The following SCLT1 variants were observed in gnomAD, a reference collection of about 807,000 sequenced individuals.
SCLT1 encodes sodium channel and clathrin linker 1, also known as sodium channel-associated protein 1.
A neutral mutation model predicts 112.8 loss-of-function variants in SCLT1; 78 were observed. The ratio of observed to expected loss-of-function variants is 0.69; its 90% CI spans 0.58 to 0.83. The LOEUF (loss-of-function observed/expected upper bound fraction) is 0.83. Ranked by LOEUF, SCLT1 falls within the 40% of genes least tolerant of loss-of-function variation. The pLI, the probability that SCLT1 is intolerant of heterozygous loss-of-function variation, is 0.00. For missense variants in SCLT1, 747 were observed against 770.4 expected, an observed-to-expected ratio of 0.97 and a Z score of 0.36; for synonymous variants, 257 against 254.7, an observed-to-expected ratio of 1.01 and a Z score of -0.09.
rs897044546 is a variant in SCLT1, at chr4:129,046,297, T to C, written c.103-2246A>G. On this transcript the variant is annotated intron_variant, in intron 2 of 20. Transcript: ENST00000281142. ...ACATGGTACTGCAAAAAGTGAGAAC[T>C]ATGTATATGACCAACAACCCCCAAA... Among the ~76,000 whole-genome samples the C allele has an allele frequency of 6.6e-5, 10 of 152,202 alleles. No individual in the cohort carries two copies. In the East Asian group the frequency reaches 1.5e-3, roughly 23 times the overall value.
intron 1 of SCLT1, among the ~76,000 whole-genome samples, chr4:129,084,858 T>C (rs1752258270): frequency 1.3e-5 from 2 of 152,088 alleles, no homozygotes; most frequent in Non-Finnish European, 2.9e-5. Flanking sequence ...TTACACAATA[T>C]ATAAATAATA....
At chr4:129,043,687 G>C (rs113412671) in intron 3 of SCLT1, among the ~76,000 whole-genome samples, 24 of 152,268 alleles carry the variant, frequency 1.6e-4, no homozygotes, top group African/African-American at 4.3e-4. Flanking sequence ...TGCAATGAAG[G>C]ATGTTTAACA....
At chr4:129,024,597 G>A (rs1745838311) in intron 5 of SCLT1, among the ~76,000 whole-genome samples, 1 of 151,814 alleles carries the variant, frequency 6.6e-6, no homozygotes, top group African/African-American at 2.4e-5. Context: ...CAAAGATGGG[G>A]AAAAAACAGA....
At chr4:128,898,197 C>T (rs1341808314) in intron 18 of SCLT1, among the ~76,000 whole-genome samples, 1 of 152,164 alleles carries the variant, frequency 6.6e-6, no homozygotes, top group African/African-American at 2.4e-5. Context: ...CACAACTCTC[C>T]ACCCCAAATC....
intron 13 of SCLT1, among the ~76,000 whole-genome samples, chr4:128,954,641 A>G (rs1469206645): frequency 2.0e-5 from 3 of 152,176 alleles, no homozygotes; most frequent in Admixed American, 1.3e-4. Context: ...AATTTGATGT[A>G]GACTTTTCCT....
At position 129,068,439 on chromosome 4, in the gene SCLT1, T is replaced by C. The variant is rs192096962; in HGVS notation, c.102+13867A>G. Among the ~76,000 whole-genome samples, 820 of 152,300 alleles carry C rather than the reference T, an allele frequency of 5.4e-3. 8 individuals are homozygous for C. Among genetic ancestry groups the C allele is most frequent in the African/African-American group, 0.019 (771 of 41,572 alleles). On this transcript the variant is annotated intron_variant, in intron 2 of 20. Coordinates refer to ENST00000281142, the MANE Select transcript of SCLT1 (RefSeq NM_144643.4). ...CTTGCAGGAGTAAGGTGGTATCACG[T>C]TGTGGTTTTGTTTTGCATTTCCATG... is the stretch of plus-strand genomic sequence containing the variant.
intron 2 of SCLT1, among the ~76,000 whole-genome samples, chr4:129,065,908 T>G (rs1407818399): frequency 6.6e-6 from 1 of 151,994 alleles, no homozygotes; most frequent in Non-Finnish European, 1.5e-5. Context: ...ACAGACAAAA[T>G]TAGAGTAACC....
intron 9 of SCLT1, 114 bp downstream of exon 9, chr4:128,992,053 G>A (rs763594263): frequency 1.6e-5 from 10 of 633,678 alleles, no homozygotes; most frequent in Middle Eastern, 2.9e-4. Context: ...GATATTGGCA[G>A]AAGCTTAACA....
intron 2 of SCLT1, among the ~76,000 whole-genome samples, chr4:129,054,308 TGGA>T (rs1749140944): frequency 6.6e-6 from 1 of 152,202 alleles, no homozygotes; most frequent in South Asian, 2.1e-4. Flanking sequence ...CTTGCTAGGT[TGGA>T]GAAGTTCTCC....
At chr4:128,942,163 C>T (rs148319699) in intron 17 of SCLT1, among the ~76,000 whole-genome samples, 24 of 152,032 alleles carry the variant, frequency 1.6e-4, no homozygotes, top group South Asian at 1.2e-3. Context: ...TTTTTCATTT[C>T]GGAGTTCAAG....
rs1329173593 is a variant in SCLT1 at position 129,003,871 on chromosome 4, T to C, written c.296A>G (p.His99Arg). The change falls in exon 6 of 21, where the codon CAC (histidine) becomes CGC (arginine). Residue 99 changes from histidine to arginine, a missense_variant. Transcript: ENST00000281142. ...TTCAACAGCATCTTTTAATTCACTG[T>C]GCAACCTTTGAAACAAATAGTTAAC... ...ENVIKENERL[H>R]SELKDAVEKK... 1 of 1,610,678 alleles carries C rather than the reference T, an allele frequency of 6.2e-7. No individual in the cohort carries two copies. The highest frequency in any genetic ancestry group is 2.2e-5 in the East Asian group (1 of 44,660).
chr4:128,969,778 AT>A (rs1240526851), intron 10 of SCLT1, among the ~76,000 whole-genome samples: 1 of 152,138 alleles, frequency 6.6e-6, no homozygotes, highest in Non-Finnish European at 1.5e-5. Flanking sequence ...TGTTTTAAAA[AT>A]TTATCCAAGT....
intron 18 of SCLT1, among the ~76,000 whole-genome samples, chr4:128,898,994 T>G (rs1275049070): frequency 6.6e-6 from 1 of 152,194 alleles, no homozygotes; most frequent in Non-Finnish European, 1.5e-5. Flanking sequence ...ATTCTCTGAA[T>G]AGACCAATAA....
At chr4:129,028,567 A>T (rs1746358338) in intron 5 of SCLT1, among the ~76,000 whole-genome samples, 1 of 152,250 alleles carries the variant, frequency 6.6e-6, no homozygotes, top group Admixed American at 6.5e-5. Context: ...CTAAAACCAT[A>T]AAAACCCTAG....
At chr4:128,980,636 G>C (rs1003731880) in intron 9 of SCLT1, among the ~76,000 whole-genome samples, 23 of 151,982 alleles carry the variant, frequency 1.5e-4, no homozygotes, top group Admixed American at 6.6e-4. Context: ...AAATATTTAA[G>C]GCTCTAGCAC....
At chr4:128,912,559 G>A (rs1735181696) in intron 18 of SCLT1, among the ~76,000 whole-genome samples, 1 of 151,652 alleles carries the variant, frequency 6.6e-6, no homozygotes, top group Admixed American at 6.6e-5. Context: ...TATTATTTAT[G>A]TTCTCCAAAA....
intron 5 of SCLT1, among the ~76,000 whole-genome samples, chr4:129,026,430 C>T (rs1746085206): frequency 6.6e-6 from 1 of 152,016 alleles, no homozygotes; most frequent in South Asian, 2.1e-4. Context: ...GGAAACTGAA[C>T]AACCTGCTCC....
At chr4:128,908,353 C>T (rs1377846406) in intron 18 of SCLT1, among the ~76,000 whole-genome samples, 9 of 147,622 alleles carry the variant, frequency 6.1e-5, no homozygotes, top group African/African-American at 2.0e-4. Flanking sequence ...TTTGCTGGTA[C>T]CTGCAGCTGC....
At chr4:129,079,827 C>T (rs1334657561) in intron 2 of SCLT1, among the ~76,000 whole-genome samples, 2 of 152,254 alleles carry the variant, frequency 1.3e-5, no homozygotes, top group African/African-American at 4.8e-5. Context: ...CAGCAGGCTT[C>T]TGTGTGGACA....
Sources: allele counts gnomAD v4.1 joint callset (sites outside exome capture counted in the v4.1 genomes callset), GRCh38; gene constraint gnomAD v4.1.1; transcripts MANE v1.5; gene names NCBI Gene and HGNC (gene_info 2026-07-23, HGNC 2026-07-21).